Variants in PPARGC1A observed in about 807,000 individuals in gnomAD.
PPARGC1A encodes peroxisome proliferator-activated receptor gamma coactivator 1-alpha.
A neutral mutation model predicts 88.7 loss-of-function variants in PPARGC1A; 25 were observed. The observed-to-expected ratio is 0.28, with a 90% CI of 0.21 to 0.39. The LOEUF is 0.39. Among genes scored for constraint, PPARGC1A ranks in the 10% least tolerant of loss-of-function variants. The pLI, the probability that PPARGC1A is intolerant of heterozygous loss-of-function variation, is 1.00. For missense variants in PPARGC1A, 880 were observed against 968.7 expected (o/e 0.91, Z 1.22); for synonymous variants, 363 against 355.6 (o/e 1.02, Z -0.24).
chr4:24,149,422 A>AT, the PPARGC1A span, among the ~76,000 whole-genome samples: 5 of 152,012 alleles, frequency 3.3e-5, no homozygotes, highest in Non-Finnish European at 7.4e-5. Context: ...AAAAAAAAAA[A>AT]TAAGTTGGCA....
chr4:23,842,103 T>C (rs147638739), intron 2 of PPARGC1A, among the ~76,000 whole-genome samples: 119 of 152,244 alleles, frequency 7.8e-4, no homozygotes, highest in African/African-American at 2.4e-3. Flanking sequence ...TATCTTCATA[T>C]TGGGGACTAA....
chr4:24,079,145 A>T, the PPARGC1A span, among the ~76,000 whole-genome samples: 1 of 152,066 alleles, frequency 6.6e-6, no homozygotes, highest in African/African-American at 2.4e-5. Context: ...TTTCCTTAAG[A>T]ACTATTTCTA....
At chr4:24,366,430 C>A in the PPARGC1A span, among the ~76,000 whole-genome samples, 1 of 152,124 alleles carries the variant, frequency 6.6e-6, no homozygotes, top group Non-Finnish European at 1.5e-5. Flanking sequence ...TTTTTTCCTG[C>A]TATATTTGAC....
At chr4:24,279,452 G>A in the PPARGC1A span, among the ~76,000 whole-genome samples, 2 of 152,178 alleles carry the variant, frequency 1.3e-5, no homozygotes, top group African/African-American at 2.4e-5. Flanking sequence ...CAGGATGATA[G>A]AGAAAGAAGT....
the PPARGC1A span, among the ~76,000 whole-genome samples, chr4:24,268,655 A>T: frequency 6.6e-6 from 1 of 152,334 alleles, no homozygotes; most frequent in Non-Finnish European, 1.5e-5. Flanking sequence ...TAAATCCAAA[A>T]AAGTAAAATG....
the PPARGC1A span, among the ~76,000 whole-genome samples, chr4:24,397,703 C>A: frequency 2.0e-5 from 3 of 152,314 alleles, no homozygotes; most frequent in African/African-American, 4.8e-5. Context: ...GTAGAAAGAT[C>A]TGCACCTACA....
At chr4:24,130,654 A>G in the PPARGC1A span, among the ~76,000 whole-genome samples, 1 of 152,164 alleles carries the variant, frequency 6.6e-6, no homozygotes, top group Non-Finnish European at 1.5e-5. Flanking sequence ...CAAGCTTCCC[A>G]TTATGCACCA....
intron 2 of PPARGC1A, among the ~76,000 whole-genome samples, chr4:23,868,324 G>A (rs1454688180): frequency 7.0e-6 from 1 of 143,682 alleles, no homozygotes; most frequent in East Asian, 1.9e-4. Flanking sequence ...GCATACTGCT[G>A]TCACTATTGG....
intron 1 of PPARGC1A, among the ~76,000 whole-genome samples, chr4:23,896,397 G>A (rs760717263): frequency 3.9e-5 from 6 of 152,012 alleles, no homozygotes; most frequent in East Asian, 1.9e-4. Flanking sequence ...AGCCCCTGAC[G>A]CCCAATATTA....
At chr4:24,055,987 T>C in the PPARGC1A span, among the ~76,000 whole-genome samples, 1 of 152,230 alleles carries the variant, frequency 6.6e-6, no homozygotes, top group Non-Finnish European at 1.5e-5. Flanking sequence ...AGAAGTTTGT[T>C]TGGTTTGTTC....
the PPARGC1A span, among the ~76,000 whole-genome samples, chr4:23,962,849 C>T: frequency 6.6e-6 from 1 of 152,146 alleles, no homozygotes; most frequent in Admixed American, 6.5e-5. Context: ...CAGCAAGAAG[C>T]ACCACTAAAA....
At chr4:24,128,450 T>C in the PPARGC1A span, among the ~76,000 whole-genome samples, 2 of 151,854 alleles carry the variant, frequency 1.3e-5, no homozygotes, top group Non-Finnish European at 2.9e-5. Context: ...CTTCCAATCC[T>C]GAGAAGTTGC....
At chr4:24,392,976 G>C in the PPARGC1A span, among the ~76,000 whole-genome samples, 1 of 151,038 alleles carries the variant, frequency 6.6e-6, no homozygotes, top group Non-Finnish European at 1.5e-5. Flanking sequence ...TCAACCAGAT[G>C]GTACAGCTCT....
At chr4:24,316,510 A>G in the PPARGC1A span, among the ~76,000 whole-genome samples, 1 of 152,234 alleles carries the variant, frequency 6.6e-6, no homozygotes, top group African/African-American at 2.4e-5. Context: ...AACTTTTCCT[A>G]GATATTAATA....
At chr4:24,267,581 A>G in the PPARGC1A span, among the ~76,000 whole-genome samples, 1 of 152,232 alleles carries the variant, frequency 6.6e-6, no homozygotes, top group Non-Finnish European at 1.5e-5. Context: ...CATGCCAGGA[A>G]GAATGACTTG....
At chr4:24,240,373 A>G in the PPARGC1A span, among the ~76,000 whole-genome samples, 1 of 152,184 alleles carries the variant, frequency 6.6e-6, no homozygotes, top group Admixed American at 6.5e-5. Flanking sequence ...GCTGATAAGA[A>G]AAGGCACCAA....
the PPARGC1A span, among the ~76,000 whole-genome samples, chr4:24,012,026 G>A: frequency 1.3e-5 from 2 of 152,054 alleles, no homozygotes; most frequent in Non-Finnish European, 2.9e-5. Flanking sequence ...ACCTAAAATA[G>A]AAATCTGGTT....
the PPARGC1A span, among the ~76,000 whole-genome samples, chr4:24,208,942 G>A: frequency 6.6e-6 from 1 of 151,998 alleles, no homozygotes; most frequent in Non-Finnish European, 1.5e-5. Context: ...TTGTTCAAAG[G>A]TCACAGATAA....
chr4:24,155,135 T>TA, the PPARGC1A span, among the ~76,000 whole-genome samples: 1 of 151,256 alleles, frequency 6.6e-6, no homozygotes, highest in Non-Finnish European at 1.5e-5. Flanking sequence ...TTTTTTTTTT[T>TA]ATCTATAGGT....
Sources: gnomAD v4.1 joint callset for allele counts (sites outside exome capture counted in the v4.1 genomes callset) on GRCh38, gnomAD v4.1.1 for gene constraint, MANE v1.5 for transcripts, NCBI Gene and HGNC (gene_info 2026-07-23, HGNC 2026-07-21) for gene names.